The following VTI1A variants were observed in gnomAD, a reference collection of about 807,000 sequenced individuals.
VTI1A encodes the protein vesicle transport through interaction with t-SNAREs homolog 1A.
In VTI1A, 22 loss-of-function variants were observed where a neutral mutation model predicts 34.9. That is an observed-to-expected ratio of 0.63 (90% CI 0.45 to 0.90). VTI1A has a LOEUF of 0.90. Ranked by LOEUF, VTI1A falls within the 40% of genes least tolerant of loss-of-function variation. The pLI is 0.00. For synonymous variants in VTI1A, 87 were observed against 97.3 expected, an observed-to-expected ratio of 0.89 and a Z score of 0.62; for missense variants, 268 against 275.6, an observed-to-expected ratio of 0.97 and a Z score of 0.20.
chr10:112,558,505 C>T (rs1851610089), intron 5 of VTI1A, among the ~76,000 whole-genome samples: 2 of 152,132 alleles, frequency 1.3e-5, no homozygotes, highest in South Asian at 4.1e-4. Flanking sequence ...AGCTAAATAG[C>T]CTCTAATGCT....
At chr10:112,737,216 A>C (rs1197471994) in intron 7 of VTI1A, 9 of 650,148 alleles carry the variant, frequency 1.4e-5, no homozygotes, top group Admixed American at 5.6e-5. Flanking sequence ...GACTACAGGC[A>C]CACACCACCA....
At chr10:112,581,357 C>T (rs1467812973) in intron 5 of VTI1A, among the ~76,000 whole-genome samples, 1 of 152,212 alleles carries the variant, frequency 6.6e-6, no homozygotes, top group African/African-American at 2.4e-5. Context: ...TGGTTTCCCA[C>T]GCCTTTTAAA....
rs1021853971 is a variant in VTI1A, at chr10:112,794,647, T to A, written c.561-20643T>A. On this transcript the variant is annotated intron_variant, in intron 7 of 7. Transcript: ENST00000393077. ...ATTATTTACATTTCAATGTATATCT[T>A]TCCGATTTCTGTTTTACATTTATAT... 3.3e-5 allele frequency among the ~76,000 whole-genome samples: 5 copies of A among 152,292 alleles called. No homozygotes were observed. The East Asian group carries it at 9.6e-4, about 29-fold the overall frequency.
chr10:112,708,041 C>T (rs539260308), intron 7 of VTI1A, among the ~76,000 whole-genome samples: 2 of 152,242 alleles, frequency 1.3e-5, no homozygotes, highest in East Asian at 1.9e-4. Context: ...CATTCTTTAC[C>T]GCCAAAGAAA....
At chr10:112,560,266 G>C (rs1851677575) in intron 5 of VTI1A, among the ~76,000 whole-genome samples, 2 of 152,098 alleles carry the variant, frequency 1.3e-5, no homozygotes, top group African/African-American at 4.8e-5. Flanking sequence ...TTTTAAATAA[G>C]AAAAAATGTA....
Position 112,594,198 on chromosome 10 carries a change from C to T in VTI1A, c.427+55868C>T, listed in dbSNP as rs190148906. Among the ~76,000 whole-genome samples the T allele has an allele frequency of 2.6e-3, 399 of 152,282 alleles. 2 individuals carry two copies. Among genetic ancestry groups the T allele is most frequent in the Non-Finnish European group, 4.6e-3 (316 of 68,024 alleles). On this transcript the variant is annotated intron_variant, in intron 5 of 7. Transcript: ENST00000393077. Reference sequence around the variant, plus strand: ...CTGGGATTACAGGCGTGAGCCACTGCGCCCGGCCGGTCTCCATCTTTTAAA... The same window carrying T: ...CTGGGATTACAGGCGTGAGCCACTGTGCCCGGCCGGTCTCCATCTTTTAAA...
chr10:112,588,680 A>C (rs984835875), intron 5 of VTI1A, among the ~76,000 whole-genome samples: 2 of 152,236 alleles, frequency 1.3e-5, no homozygotes, highest in African/African-American at 2.4e-5. Flanking sequence ...AGGGAACAGT[A>C]ATGCATGAAA....
chr10:112,527,236 A>C, intron 4 of VTI1A, 72 bp downstream of exon 4: 11 of 1,349,618 alleles, frequency 8.2e-6, no homozygotes, highest in Non-Finnish European at 1.2e-5. Flanking sequence ...CTGGGCTCTC[A>C]AGCTGCTCCT....
At chr10:112,786,522 T>A (rs1406662593) in intron 7 of VTI1A, among the ~76,000 whole-genome samples, 1 of 152,186 alleles carries the variant, frequency 6.6e-6, no homozygotes, top group Non-Finnish European at 1.5e-5. Flanking sequence ...CTATCCCCAA[T>A]CAGAAAGAAA....
At chr10:112,586,458 C>T (rs1844163740) in intron 5 of VTI1A, among the ~76,000 whole-genome samples, 1 of 152,086 alleles carries the variant, frequency 6.6e-6, no homozygotes, top group South Asian at 2.1e-4. Flanking sequence ...CAAAAGAGAA[C>T]CTTTTTCCTT....
At chr10:112,552,397 T>C (rs932747768) in intron 5 of VTI1A, among the ~76,000 whole-genome samples, 25 of 152,188 alleles carry the variant, frequency 1.6e-4, no homozygotes, top group Admixed American at 3.9e-4. Flanking sequence ...TCTGTGCAGA[T>C]CTGTTGATGA....
At chr10:112,500,185 C>G (rs535628682) in intron 3 of VTI1A, among the ~76,000 whole-genome samples, 8 of 152,106 alleles carry the variant, frequency 5.3e-5, no homozygotes, top group East Asian at 1.9e-4. Flanking sequence ...GCCTGTAATC[C>G]CAGCACTTTG....
At chr10:112,728,550 A>G (rs1850131355) in intron 7 of VTI1A, among the ~76,000 whole-genome samples, 1 of 152,220 alleles carries the variant, frequency 6.6e-6, no homozygotes, top group Admixed American at 6.5e-5. Flanking sequence ...GTCTTTGCAA[A>G]TAAAGAGACT....
At position 112,670,184 on chromosome 10, in the gene VTI1A, G is replaced by A. The variant is rs562588133; in HGVS notation, c.560+1186G>A. On this transcript the variant is annotated intron_variant, in intron 7 of 7. Coordinates refer to ENST00000393077, the MANE Select transcript of VTI1A (RefSeq NM_145206.4). ...CAATAAAAAAGAAAGGAAGGGGAGG[G>A]AAAAACCTCTGTTGCTTCCCTGGGA... Among the ~76,000 whole-genome samples the A allele has an allele frequency of 2.4e-4, 37 of 152,238 alleles. No individual in the cohort carries two copies. In the South Asian group the frequency reaches 4.4e-3, roughly 18 times the overall value.
chr10:112,600,857 A>G (rs552491414), intron 5 of VTI1A, among the ~76,000 whole-genome samples: 8 of 152,252 alleles, frequency 5.3e-5, no homozygotes, highest in Non-Finnish European at 1.0e-4. Context: ...TAAAGCATGG[A>G]TATGCATTTG....
chr10:112,501,492 T>A (rs975441025), intron 3 of VTI1A, among the ~76,000 whole-genome samples: 2 of 152,092 alleles, frequency 1.3e-5, no homozygotes, highest in Non-Finnish European at 2.9e-5. Flanking sequence ...AAGAAAGAAA[T>A]GAAAGAAGTA....
intron 5 of VTI1A, among the ~76,000 whole-genome samples, chr10:112,613,516 C>A (rs994685649): frequency 1.3e-5 from 2 of 152,170 alleles, no homozygotes; most frequent in East Asian, 3.8e-4. Context: ...TCTCTCTCGG[C>A]CTCTTTTTTT....
chr10:112,489,013 A>G lies in VTI1A; in HGVS notation c.264+24356A>G, dbSNP rs1038422726. Among the ~76,000 whole-genome samples the G allele has an allele frequency of 2.6e-5, 4 of 152,298 alleles. No homozygotes were observed. The East Asian group carries it at 7.7e-4, about 29-fold the overall frequency. ...CTCATCTGTACAATGAAGTGCTTAGACTAGACCAGTAGTTCTTAAACTCAA... is the reference window on the plus strand; with the variant it reads ...CTCATCTGTACAATGAAGTGCTTAGGCTAGACCAGTAGTTCTTAAACTCAA... On this transcript the variant is annotated intron_variant, in intron 3 of 7. Coordinates refer to ENST00000393077, the MANE Select transcript of VTI1A (RefSeq NM_145206.4).
rs779177511 is a variant in VTI1A at position 112,527,186 on chromosome 10, C to T, written c.342+22C>T. 3 of 1,610,216 alleles carry T rather than the reference C, an allele frequency of 1.9e-6. No individual in the cohort carries two copies. The East Asian group carries it at 6.7e-5, about 36-fold the overall frequency. ...CCAGGTAGAATGCTAATCAGGAAGG[C>T]CCGGTGGGTGGCTGGAGGGTGAAGG... On this transcript the variant is annotated intron_variant, in intron 4 of 7. Transcript: ENST00000393077.
Sources: gnomAD v4.1 joint callset for allele counts (sites outside exome capture counted in the v4.1 genomes callset) on GRCh38, gnomAD v4.1.1 for gene constraint, MANE v1.5 for transcripts, NCBI Gene and HGNC (gene_info 2026-07-23, HGNC 2026-07-21) for gene names.